Variants in PDE8A observed in about 807,000 individuals in gnomAD.
PDE8A encodes the protein high affinity cAMP-specific and IBMX-insensitive 3',5'-cyclic phosphodiesterase 8A.
PDE8A carries 59 observed loss-of-function variants against 105.0 expected under a neutral mutation model. The observed-to-expected ratio is 0.56, with a 90% CI of 0.46 to 0.70. The LOEUF is 0.70. PDE8A is among the 30% of genes least tolerant of loss of function. The probability of loss-of-function intolerance (pLI) is 0.00; values close to 1 mark genes in which losing one functional copy is unlikely to be tolerated. For missense variants in PDE8A, 1,014 were observed against 1,045.9 expected (o/e 0.97, Z 0.42); for synonymous variants, 355 against 371.9 (o/e 0.95, Z 0.52).
intron 11 of PDE8A, among the ~76,000 whole-genome samples, chr15:85,103,185 G>A (rs561342153): frequency 6.6e-6 from 1 of 152,276 alleles, no homozygotes; most frequent in African/African-American, 2.4e-5. Flanking sequence ...TCGCGCCACT[G>A]CACTCCAGCC....
intron 1 of PDE8A, among the ~76,000 whole-genome samples, chr15:85,023,605 G>T (rs200281740): frequency 6.7e-6 from 1 of 148,324 alleles, no homozygotes; most frequent in South Asian, 2.1e-4. Context: ...TTAGGTTCAA[G>T]ATTGCTAGCA....
intron 1 of PDE8A, among the ~76,000 whole-genome samples, chr15:85,015,138 C>G (rs1046780491): frequency 5.3e-5 from 8 of 152,188 alleles, no homozygotes; most frequent in Non-Finnish European, 8.8e-5. Context: ...CAGCACAGTG[C>G]TCCACCGGCT....
At chr15:85,120,572 A>G (rs926314997) in intron 17 of PDE8A, 2 of 440,076 alleles carry the variant, frequency 4.5e-6, no homozygotes, top group African/African-American at 3.9e-5. Flanking sequence ...TGTTGAGAAC[A>G]CCTGTATTTT....
intron 8 of PDE8A, among the ~76,000 whole-genome samples, chr15:85,093,862 CT>C (rs61045649): frequency 0.17 from 25,552 of 147,884 alleles, 2,529 homozygotes; most frequent in East Asian, 0.38. Flanking sequence ...TTTTAGAGAT[CT>C]TTTTTTTTTT....
chr15:85,119,482 C>T (rs55813374), intron 17 of PDE8A, among the ~76,000 whole-genome samples: 2 of 56,272 alleles, frequency 3.6e-5, no homozygotes, highest in African/African-American at 5.6e-5. Flanking sequence ...AAAAAAAAAA[C>T]ATTTATTGAA....
At chr15:85,115,761 A>C in intron 15 of PDE8A, 2 of 545,632 alleles carry the variant, frequency 3.7e-6, no homozygotes, top group East Asian at 6.4e-5. Flanking sequence ...CTCTACTGAA[A>C]ATACAAAAAA....
At chr15:85,134,136 C>T (rs1421839656) in intron 20 of PDE8A, among the ~76,000 whole-genome samples, 1 of 152,146 alleles carries the variant, frequency 6.6e-6, no homozygotes, top group African/African-American at 2.4e-5. Flanking sequence ...CACATTGGGC[C>T]AAAGAGAAGA....
At chr15:85,067,529 T>A (rs143674320) in intron 3 of PDE8A, among the ~76,000 whole-genome samples, 116 of 152,336 alleles carry the variant, frequency 7.6e-4, no homozygotes, top group African/African-American at 2.6e-3. Flanking sequence ...TTCAAAGTTT[T>A]AAAAATTTTG....
chr15:85,083,746 A>G, intron 6 of PDE8A, 102 bp downstream of exon 6: 1 of 744,252 alleles, frequency 1.3e-6, no homozygotes, highest in South Asian at 1.5e-5. Flanking sequence ...CTCTTGCAGA[A>G]ATGGGATTGG....
chr15:85,057,749 G>T (rs2081084981), intron 1 of PDE8A, among the ~76,000 whole-genome samples: 1 of 152,174 alleles, frequency 6.6e-6, no homozygotes, highest in South Asian at 2.1e-4. Context: ...ATCATGAAAG[G>T]ATATTGAATT....
intron 1 of PDE8A, among the ~76,000 whole-genome samples, chr15:84,995,616 C>A (rs1292926929): frequency 6.6e-6 from 1 of 152,182 alleles, no homozygotes; most frequent in Non-Finnish European, 1.5e-5. Flanking sequence ...CTACCACGCC[C>A]AGTGTATGTA....
chr15:85,031,293 T>C (rs1399390830), intron 1 of PDE8A, among the ~76,000 whole-genome samples: 2 of 152,212 alleles, frequency 1.3e-5, no homozygotes, highest in African/African-American at 2.4e-5. Flanking sequence ...CTTCTATGTC[T>C]TTGTCTCTCA....
At chr15:85,101,089 A>T (rs1386019287) in intron 11 of PDE8A, among the ~76,000 whole-genome samples, 2 of 152,216 alleles carry the variant, frequency 1.3e-5, no homozygotes, top group Non-Finnish European at 2.9e-5. Flanking sequence ...GGAGGTAAGC[A>T]TTTTTAGGTG....
chr15:85,126,133 G>A (rs554353886), intron 19 of PDE8A, 74 bp from the exon 20 acceptor site: 3 of 1,050,390 alleles, frequency 2.9e-6, no homozygotes, highest in East Asian at 2.5e-5. Flanking sequence ...TGCTTACAGT[G>A]GGACAGACCA....
chr15:84,983,298 G>C (rs1405712450), intron 1 of PDE8A, among the ~76,000 whole-genome samples: 1 of 152,234 alleles, frequency 6.6e-6, no homozygotes, highest in Non-Finnish European at 1.5e-5. Flanking sequence ...GTGCATGGCT[G>C]CAGATTGTTG....
At chr15:85,001,801 G>A (rs376404465) in intron 1 of PDE8A, among the ~76,000 whole-genome samples, 46 of 152,288 alleles carry the variant, frequency 3.0e-4, no homozygotes, top group African/African-American at 9.4e-4. Flanking sequence ...TTATTAAAGC[G>A]TGGGTCACTA....
At chr15:85,029,995 A>G (rs781370376) in intron 1 of PDE8A, among the ~76,000 whole-genome samples, 8 of 152,086 alleles carry the variant, frequency 5.3e-5, no homozygotes, top group Non-Finnish European at 1.0e-4. Flanking sequence ...GCTCTGTTCT[A>G]AAGAGGGTTG....
At position 85,081,727 on chromosome 15, in the gene PDE8A, G is replaced by A. The variant is rs189968936; in HGVS notation, c.547-1829G>A. Among the ~76,000 whole-genome samples, 46 of 152,244 alleles carry A rather than the reference G, an allele frequency of 3.0e-4. No homozygotes were observed. In the East Asian group the frequency reaches 7.0e-3, roughly 23 times the overall value. ...GAAAGATGAGATGTTTAGATAAAGA[G>A]AACAGTGTTTAAACACGCATAGCAA... On this transcript the variant is annotated intron_variant, in intron 5 of 21. Transcript: ENST00000394553.
At chr15:85,093,335 C>T (rs1214843231) in intron 8 of PDE8A, among the ~76,000 whole-genome samples, 1 of 152,208 alleles carries the variant, frequency 6.6e-6, no homozygotes, top group African/African-American at 2.4e-5. Context: ...GCAGGGCAGG[C>T]CGCTGAGCTG....
Sources: gnomAD v4.1 joint callset for allele counts (sites outside exome capture counted in the v4.1 genomes callset) on GRCh38, gnomAD v4.1.1 for gene constraint, MANE v1.5 for transcripts, NCBI Gene and HGNC (gene_info 2026-07-23, HGNC 2026-07-21) for gene names.